NSMCE2: variants seen among roughly 807,000 people sequenced by gnomAD.
The protein encoded by NSMCE2 is E3 SUMO-protein ligase NSE2.
A neutral mutation model predicts 23.8 loss-of-function variants in NSMCE2; 24 were observed. That is an observed-to-expected ratio of 1.01 (90% CI 0.73 to 1.42). NSMCE2 has a LOEUF of 1.42. Among genes scored for constraint, NSMCE2 ranks in the 40% most tolerant of loss-of-function variants. The pLI is 0.00. For missense variants in NSMCE2, 284 were observed against 296.5 expected (o/e 0.96, Z 0.31); for synonymous variants, 92 against 94.1 (o/e 0.98, Z 0.13).
chr8:125,247,019 A>C (rs1223818860), intron 5 of NSMCE2, among the ~76,000 whole-genome samples: 1 of 147,210 alleles, frequency 6.8e-6, no homozygotes, highest in Non-Finnish European at 1.5e-5. Context: ...TAAATTCTGT[A>C]TTTTTTTTTT....
At chr8:125,283,520 A>G (rs941255937) in intron 5 of NSMCE2, among the ~76,000 whole-genome samples, 2 of 152,184 alleles carry the variant, frequency 1.3e-5, no homozygotes, top group African/African-American at 2.4e-5. Flanking sequence ...TGTGTCAAAA[A>G]AATTAAAAAA....
At chr8:125,120,999 A>T (rs564401573) in intron 3 of NSMCE2, among the ~76,000 whole-genome samples, 1 of 152,278 alleles carries the variant, frequency 6.6e-6, no homozygotes, top group East Asian at 1.9e-4. Context: ...CTACACAGTG[A>T]TTTTCATCAC....
rs145066634 is a variant in NSMCE2 at position 125,133,622 on chromosome 8, T to TC, written c.158-17543dup. 6.0e-3 allele frequency among the ~76,000 whole-genome samples: 909 copies of TC among 151,456 alleles called. 29 individuals are homozygous for TC. The highest frequency in any genetic ancestry group is 0.034 in the Admixed American group (524 of 15,200). ...GAGGCATGGTGGCTCGCACCTGTAA[T>TC]CCCCCCAGCTACTCTGGAGGCTAAG... On this transcript the variant is annotated intron_variant, in intron 3 of 7. Coordinates refer to ENST00000287437, the MANE Select transcript of NSMCE2 (RefSeq NM_173685.4).
At chr8:125,330,222 G>C (rs1415175205) in intron 5 of NSMCE2, among the ~76,000 whole-genome samples, 2 of 147,664 alleles carry the variant, frequency 1.4e-5, no homozygotes, top group African/African-American at 5.0e-5. Flanking sequence ...TGTCACCCAG[G>C]CTGGAGTGCG....
intron 5 of NSMCE2, among the ~76,000 whole-genome samples, chr8:125,244,745 C>T (rs959898645): frequency 3.3e-5 from 5 of 152,140 alleles, no homozygotes; most frequent in Admixed American, 6.5e-5. Context: ...ATAAAACTTT[C>T]GTCCTATCAG....
At chr8:125,308,772 A>G (rs1233941684) in intron 5 of NSMCE2, among the ~76,000 whole-genome samples, 4 of 152,200 alleles carry the variant, frequency 2.6e-5, no homozygotes, top group Non-Finnish European at 5.9e-5. Context: ...CAGGCCTCCC[A>G]TTCCGGTGAG....
At chr8:125,349,702 G>T (rs80343391) in intron 5 of NSMCE2, among the ~76,000 whole-genome samples, 2 of 152,182 alleles carry the variant, frequency 1.3e-5, no homozygotes, top group Non-Finnish European at 2.9e-5. Flanking sequence ...GCCAAATTTG[G>T]GATGCCTGAA....
At chr8:125,105,553 A>T (rs1002861182) in intron 3 of NSMCE2, among the ~76,000 whole-genome samples, 1 of 152,212 alleles carries the variant, frequency 6.6e-6, no homozygotes, top group East Asian at 1.9e-4. Context: ...AGAATTATAA[A>T]CATCATTTTT....
At chr8:125,336,798 T>G (rs1032990088) in intron 5 of NSMCE2, among the ~76,000 whole-genome samples, 18 of 152,234 alleles carry the variant, frequency 1.2e-4, no homozygotes, top group Non-Finnish European at 2.4e-4. Flanking sequence ...GCTTCCAGGT[T>G]GATGCATCTT....
chr8:125,297,667 G>GA lies in NSMCE2; in HGVS notation c.419-59536dup, dbSNP rs766647323. On this transcript the variant is annotated intron_variant, in intron 5 of 7. Transcript: ENST00000287437. ...GCAACAAAGTGAGACCTTGTCTCTA[G>GA]AAAAAAAAAAAAAAAATTAAAGCCA... Among the ~76,000 whole-genome samples the GA allele has an allele frequency of 5.0e-3, 613 of 122,296 alleles. 1 individual carries two copies. Among genetic ancestry groups the GA allele is most frequent in the Middle Eastern group, 0.013 (3 of 238 alleles). 80.2% of individuals were successfully genotyped at this position (122,296 alleles called of 152,430 possible).
At chr8:125,243,018 A>G (rs568047405) in intron 5 of NSMCE2, among the ~76,000 whole-genome samples, 1 of 152,300 alleles carries the variant, frequency 6.6e-6, no homozygotes, top group East Asian at 1.9e-4. Context: ...GGTTACATGT[A>G]GACTCTATCT....
At chr8:125,136,579 C>T (rs1820080011) in intron 3 of NSMCE2, among the ~76,000 whole-genome samples, 1 of 152,046 alleles carries the variant, frequency 6.6e-6, no homozygotes, top group South Asian at 2.1e-4. Context: ...ATAATTGATA[C>T]CCTGGAGTTC....
intron 1 of NSMCE2, among the ~76,000 whole-genome samples, chr8:125,093,518 C>T (rs1027355538): frequency 6.6e-6 from 1 of 151,940 alleles, no homozygotes; most frequent in Non-Finnish European, 1.5e-5. Flanking sequence ...GCGAAACCCT[C>T]TCTCTACTAA....
intron 3 of NSMCE2, among the ~76,000 whole-genome samples, chr8:125,104,921 G>A (rs1189559011): frequency 6.6e-6 from 1 of 152,184 alleles, no homozygotes; most frequent in East Asian, 1.9e-4. Flanking sequence ...TACTGGGGAG[G>A]CTGAGGCAGG....
At chr8:125,234,384 G>C (rs745970838) in intron 5 of NSMCE2, among the ~76,000 whole-genome samples, 23 of 152,152 alleles carry the variant, frequency 1.5e-4, no homozygotes, top group Non-Finnish European at 2.9e-4. Context: ...GTATTTTTCA[G>C]ATTGTGAAAA....
Position 125,366,941 on chromosome 8 carries a change from G to A in NSMCE2, c.*56G>A. The A allele has an allele frequency of 1.0e-6, 1 of 975,568 alleles. No individual in the cohort carries two copies. The highest frequency in any genetic ancestry group is 1.3e-5 in the South Asian group (1 of 77,080). The allele number at this position is 975,568 out of a possible 1,614,324, so 60.4% of individuals were successfully genotyped here. On this transcript the variant is annotated 3_prime_UTR_variant, in exon 8 of 8. Transcript: ENST00000287437. ...AGCCTACCTCCTACCCCAGCTGTCT[G>A]TTGAGAGCAGTGCTGACCCCAGCAG...
At chr8:125,230,907 T>C (rs2130944947) in intron 5 of NSMCE2, among the ~76,000 whole-genome samples, 1 of 152,334 alleles carries the variant, frequency 6.6e-6, no homozygotes, top group Middle Eastern at 3.4e-3. Context: ...GTTTGCTTAC[T>C]CTTCACTGAA....
chr8:125,257,441 T>C (rs983708373), intron 5 of NSMCE2, among the ~76,000 whole-genome samples: 1 of 151,026 alleles, frequency 6.6e-6, no homozygotes, highest in Non-Finnish European at 1.5e-5. Context: ...CTGTGTCAAA[T>C]GTAAACAGTC....
intron 3 of NSMCE2, among the ~76,000 whole-genome samples, chr8:125,132,939 C>A (rs1220955410): frequency 1.3e-5 from 2 of 152,148 alleles, no homozygotes; most frequent in African/African-American, 4.8e-5. Flanking sequence ...TACAGGTCAT[C>A]TCATCTAACT....
Sources: allele counts gnomAD v4.1 joint callset (sites outside exome capture counted in the v4.1 genomes callset), GRCh38; gene constraint gnomAD v4.1.1; transcripts MANE v1.5; gene names NCBI Gene and HGNC (gene_info 2026-07-23, HGNC 2026-07-21).